The following RBFOX1 variants were observed in gnomAD, a reference collection of about 807,000 sequenced individuals.
RBFOX1 encodes the protein RNA binding fox-1 homolog 1.
RBFOX1 carries 8 observed loss-of-function variants against 57.7 expected under a neutral mutation model. The ratio of observed to expected loss-of-function variants is 0.14; its 90% confidence interval spans 0.08 to 0.25. RBFOX1 has a LOEUF of 0.25. RBFOX1 is among the 10% of genes least tolerant of loss of function. The probability of loss-of-function intolerance (pLI) is 1.00; values close to 1 mark genes in which losing one functional copy is unlikely to be tolerated. For synonymous variants in RBFOX1, 326 were observed against 222.4 expected (o/e 1.47, Z -4.15); for missense variants, 611 against 548.5 (o/e 1.11, Z -1.14).
intron 1 of RBFOX1, among the ~76,000 whole-genome samples, chr16:5,317,100 A>G (rs1365989029): frequency 6.6e-6 from 1 of 152,064 alleles, no homozygotes; most frequent in African/African-American, 2.4e-5. Flanking sequence ...GAGCCACACT[A>G]CCATCTTCCC....
chr16:6,956,666 G>C (rs1420288424), intron 3 of RBFOX1, among the ~76,000 whole-genome samples: 1 of 152,166 alleles, frequency 6.6e-6, no homozygotes, highest in South Asian at 2.1e-4. Context: ...TGTTGCTCCA[G>C]TTATCTATTG....
At chr16:5,562,110 A>G (rs2045910036) in intron 2 of RBFOX1, among the ~76,000 whole-genome samples, 1 of 152,128 alleles carries the variant, frequency 6.6e-6, no homozygotes, top group South Asian at 2.1e-4. Context: ...TTAAAGGCAA[A>G]GCTCTTCCTG....
intron 3 of RBFOX1, among the ~76,000 whole-genome samples, chr16:7,003,368 G>A (rs1425671113): frequency 6.6e-6 from 1 of 151,718 alleles, no homozygotes; most frequent in Non-Finnish European, 1.5e-5. Context: ...GCTGAGGCAA[G>A]AGAATCACTT....
intron 4 of RBFOX1, among the ~76,000 whole-genome samples, chr16:7,181,060 T>G (rs185047127): frequency 6.6e-6 from 1 of 152,334 alleles, no homozygotes; most frequent in East Asian, 1.9e-4. Flanking sequence ...CGAGGCTGAT[T>G]TGGTCCACAG....
At chr16:5,629,269 C>G (rs548220508) in intron 3 of RBFOX1, among the ~76,000 whole-genome samples, 1 of 152,282 alleles carries the variant, frequency 6.6e-6, no homozygotes, top group South Asian at 2.1e-4. Context: ...TAAGGATGTA[C>G]CAGTATGATG....
intron 3 of RBFOX1, among the ~76,000 whole-genome samples, chr16:5,698,527 A>G (rs770281283): frequency 1.1e-4 from 16 of 152,180 alleles, no homozygotes; most frequent in African/African-American, 3.9e-4. Context: ...GCTGCTTTAT[A>G]GTTTATTTTT....
chr16:5,871,585 T>C (rs551117867), intron 4 of RBFOX1, among the ~76,000 whole-genome samples: 151 of 152,304 alleles, frequency 9.9e-4, no homozygotes, highest in African/African-American at 3.3e-3. Context: ...CGAAGTTACC[T>C]GGGCGCAGCC....
intron 4 of RBFOX1, among the ~76,000 whole-genome samples, chr16:7,513,028 A>G (rs1219111814): frequency 6.6e-6 from 1 of 152,094 alleles, no homozygotes; most frequent in East Asian, 1.9e-4. Flanking sequence ...CTTTGGGAGG[A>G]CAAGGCAGAT....
intron 2 of RBFOX1, among the ~76,000 whole-genome samples, chr16:6,460,661 A>T (rs2094896384): frequency 6.6e-6 from 1 of 152,234 alleles, no homozygotes; most frequent in Non-Finnish European, 1.5e-5. Context: ...ATGTAAATTC[A>T]TTCAACCATT....
intron 4 of RBFOX1, among the ~76,000 whole-genome samples, chr16:5,912,785 A>G (rs768947042): frequency 7.9e-5 from 12 of 152,196 alleles, no homozygotes; most frequent in Non-Finnish European, 1.5e-4. Context: ...TAGAGGCGGC[A>G]GAGTTGACAG....
intron 3 of RBFOX1, among the ~76,000 whole-genome samples, chr16:6,738,045 A>T (rs1014417247): frequency 5.9e-5 from 9 of 151,596 alleles, no homozygotes; most frequent in African/African-American, 2.2e-4. Context: ...CAAAAACACA[A>T]AGGACTTGTC....
chr16:6,386,530 A>T (rs140413017), intron 2 of RBFOX1, among the ~76,000 whole-genome samples: 1 of 152,184 alleles, frequency 6.6e-6, no homozygotes, highest in Non-Finnish European at 1.5e-5. Flanking sequence ...TTTCGAGCTT[A>T]TATTTGGTGG....
intron 4 of RBFOX1, among the ~76,000 whole-genome samples, chr16:7,457,029 A>C (rs1054427004): frequency 3.9e-5 from 6 of 151,958 alleles, no homozygotes; most frequent in Non-Finnish European, 8.8e-5. Flanking sequence ...CTGGGATTGC[A>C]GGCACGCACC....
intron 3 of RBFOX1, among the ~76,000 whole-genome samples, chr16:6,934,107 C>G (rs1459171203): frequency 6.6e-6 from 1 of 152,162 alleles, no homozygotes; most frequent in Non-Finnish European, 1.5e-5. Context: ...GTTGGCAATG[C>G]TCCTCTGCCA....
chr16:5,751,737 A>T (rs1301360809), intron 3 of RBFOX1, among the ~76,000 whole-genome samples: 2 of 152,172 alleles, frequency 1.3e-5, no homozygotes, highest in Non-Finnish European at 2.9e-5. Context: ...TAAGTAAGAG[A>T]ACTGACTCCA....
At chr16:6,619,771 C>A (rs1358881365) in intron 2 of RBFOX1, among the ~76,000 whole-genome samples, 1 of 146,142 alleles carries the variant, frequency 6.8e-6, no homozygotes, top group Middle Eastern at 3.4e-3. Flanking sequence ...AAACCTGTGT[C>A]ATGGGGACTT....
In RBFOX1 at chr16:6,050,567, A is replaced by G. The variant is rs2095542032; in HGVS notation, c.-127+30575A>G. 2.0e-5 allele frequency among the ~76,000 whole-genome samples: 3 copies of G among 152,086 alleles called. No homozygotes were observed. In the South Asian group the frequency reaches 6.2e-4, roughly 31 times the overall value. ...TGGTGCTATTTAATCTCCATGGGCT[A>G]GGTATTATTAGCTTTATTCTACATG... On this transcript the variant is annotated intron_variant, in intron 1 of 15. Transcript: ENST00000550418.
At chr16:6,597,775 A>G (rs1289109055) in intron 2 of RBFOX1, among the ~76,000 whole-genome samples, 1 of 152,194 alleles carries the variant, frequency 6.6e-6, no homozygotes, top group East Asian at 1.9e-4. Context: ...CCAGTTTAAA[A>G]GGAGCAAGCC....
At chr16:5,613,957 C>G (rs1031400549) in intron 3 of RBFOX1, among the ~76,000 whole-genome samples, 1 of 150,284 alleles carries the variant, frequency 6.7e-6, no homozygotes, top group African/African-American at 2.5e-5. Flanking sequence ...TGCTGCCTTT[C>G]AGGGTCCCAG....
Sources: gnomAD v4.1 joint callset for allele counts (sites outside exome capture counted in the v4.1 genomes callset) on GRCh38, gnomAD v4.1.1 for gene constraint, MANE v1.5 for transcripts, NCBI Gene and HGNC (gene_info 2026-07-23, HGNC 2026-07-21) for gene names.